GRIA2: variants seen among roughly 807,000 people sequenced by gnomAD.
The protein encoded by GRIA2 is glutamate ionotropic receptor AMPA type subunit 2.
In GRIA2, 14 loss-of-function variants were observed where a neutral mutation model predicts 97.3. That is an observed-to-expected ratio of 0.14 (90% CI 0.10 to 0.23). The LOEUF (loss-of-function observed/expected upper bound fraction) is 0.23. Among genes scored for constraint, GRIA2 ranks in the 10% least tolerant of loss-of-function variants. The pLI is 1.00. For synonymous variants in GRIA2, 412 were observed against 387.8 expected (o/e 1.06, Z -0.73); for missense variants, 558 against 1,069.8 (o/e 0.52, Z 6.67).
intron 2 of GRIA2, among the ~76,000 whole-genome samples, chr4:157,259,039 T>A (rs574809574): frequency 2.0e-4 from 30 of 152,054 alleles, no homozygotes; most frequent in African/African-American, 7.0e-4. Flanking sequence ...CTGGGTAATA[T>A]GGCAAGAAAC....
At chr4:157,349,008 A>C (rs905208233) in intron 12 of GRIA2, among the ~76,000 whole-genome samples, 1 of 152,234 alleles carries the variant, frequency 6.6e-6, no homozygotes, top group Non-Finnish European at 1.5e-5. Context: ...CATTCCTGAC[A>C]TAGCAAAAAG....
At chr4:157,272,996 A>G (rs1732102910) in intron 2 of GRIA2, among the ~76,000 whole-genome samples, 1 of 152,220 alleles carries the variant, frequency 6.6e-6, no homozygotes, top group East Asian at 1.9e-4. Context: ...AGGGTTCCAC[A>G]TCCATGGATT....
At chr4:157,345,709 C>T (rs1305867274) in intron 12 of GRIA2, among the ~76,000 whole-genome samples, 1 of 152,116 alleles carries the variant, frequency 6.6e-6, no homozygotes, top group Non-Finnish European at 1.5e-5. Context: ...TAGGAAGTAA[C>T]TCTTCATGCC....
intron 2 of GRIA2, among the ~76,000 whole-genome samples, chr4:157,282,848 G>A (rs1732669395): frequency 6.6e-6 from 1 of 151,994 alleles, no homozygotes. Context: ...ATATGTATGA[G>A]CCGACATCCA....
chr4:157,292,146 C>A (rs1307001601), intron 2 of GRIA2, among the ~76,000 whole-genome samples: 1 of 151,716 alleles, frequency 6.6e-6, no homozygotes, highest in African/African-American at 2.4e-5. Flanking sequence ...AAATGCAAAA[C>A]AATAGGTACA....
intron 2 of GRIA2, among the ~76,000 whole-genome samples, chr4:157,239,627 C>T (rs1021460450): frequency 1.3e-5 from 2 of 151,752 alleles, no homozygotes; most frequent in South Asian, 4.2e-4. Context: ...GAATTGATGA[C>T]ATTCGTGAGT....
At chr4:157,297,515 G>T (rs1733402921) in intron 2 of GRIA2, among the ~76,000 whole-genome samples, 1 of 152,104 alleles carries the variant, frequency 6.6e-6, no homozygotes, top group Non-Finnish European at 1.5e-5. Context: ...AGGCAGGTAG[G>T]TAATATTTTT....
chr4:157,317,135 T>C (rs988070527), intron 4 of GRIA2, among the ~76,000 whole-genome samples: 10 of 152,234 alleles, frequency 6.6e-5, no homozygotes, highest in Non-Finnish European at 1.5e-4. Context: ...AATGTTATTT[T>C]ACATATCCAT....
intron 12 of GRIA2, among the ~76,000 whole-genome samples, chr4:157,345,938 G>T (rs1735746169): frequency 6.6e-6 from 1 of 152,108 alleles, no homozygotes; most frequent in South Asian, 2.1e-4. Context: ...TAAACCATGA[G>T]ACTCTACTAT....
At chr4:157,277,910 GTA>G (rs1305455570) in intron 2 of GRIA2, among the ~76,000 whole-genome samples, 26 of 139,684 alleles carry the variant, frequency 1.9e-4, no homozygotes, top group South Asian at 4.4e-4. Flanking sequence ...ATGTATATAT[GTA>G]TATATATGTA....
Position 157,227,980 on chromosome 4 carries a change from A to G in GRIA2, c.229+6173A>G, listed in dbSNP as rs371680320. Reference sequence around the variant, plus strand: ...TGATTCTTACAATGCTGTTCATAAGATGTCTAACACCTATTATTTTTCAGT... The same window carrying G: ...TGATTCTTACAATGCTGTTCATAAGGTGTCTAACACCTATTATTTTTCAGT... On this transcript the variant is annotated intron_variant, in intron 2 of 15. Transcript: ENST00000264426. 9.2e-5 allele frequency among the ~76,000 whole-genome samples: 14 copies of G among 152,356 alleles called. No individual in the cohort carries two copies. The East Asian group carries it at 2.5e-3, about 27-fold the overall frequency.
In GRIA2 at chr4:157,248,028, G is replaced by A. The variant is rs936143768; in HGVS notation, c.229+26221G>A. ...CTAGGTTGTAGAGTTCTCCCTTAAC[G>A]TTTTGTACTCTGGGGATAACTCTTT... is the stretch of plus-strand genomic sequence containing the variant. On this transcript the variant is annotated intron_variant, in intron 2 of 15. Transcript: ENST00000264426. Among the ~76,000 whole-genome samples the A allele has an allele frequency of 4.6e-5, 7 of 151,606 alleles. 1 individual carries two copies. The South Asian group carries it at 6.3e-4, about 14-fold the overall frequency.
At chr4:157,285,721 T>A (rs1732811117) in intron 2 of GRIA2, among the ~76,000 whole-genome samples, 1 of 151,596 alleles carries the variant, frequency 6.6e-6, no homozygotes, top group Admixed American at 6.6e-5. Context: ...CTCTGTGTAC[T>A]GTACTGGTGT....
At chr4:157,288,740 A>G (rs761043267) in intron 2 of GRIA2, among the ~76,000 whole-genome samples, 29 of 151,814 alleles carry the variant, frequency 1.9e-4, no homozygotes, top group Non-Finnish European at 1.5e-4. Context: ...GGTTATGTCT[A>G]CCAATGATAA....
chr4:157,305,411 G>A (rs1733799455), intron 3 of GRIA2, among the ~76,000 whole-genome samples: 1 of 152,008 alleles, frequency 6.6e-6, no homozygotes, highest in African/African-American at 2.4e-5. Context: ...GAAGTAGCAG[G>A]AATTACTGTT....
chr4:157,221,908 G>A lies in GRIA2; in HGVS notation c.229+101G>A, dbSNP rs1729514737. On this transcript the variant is annotated intron_variant, in intron 2 of 15. Transcript: ENST00000264426. ...TGGGGTGGTGTGTGTGCGTTTCTGT[G>A]TGTCAGTGTGTGGGTGTGAGTGACT... 2.7e-5 allele frequency: 28 copies of A among 1,052,568 alleles called. 1 individual carries two copies. The South Asian group carries it at 3.9e-4, about 15-fold the overall frequency. 65.2% of individuals were successfully genotyped at this position (1,052,568 alleles called of 1,614,324 possible). A position where few individuals can be genotyped will look rare whatever the true frequency, so the allele number is the denominator to read the frequency against.
intron 5 of GRIA2, among the ~76,000 whole-genome samples, chr4:157,319,539 C>T (rs759475097): frequency 1.2e-4 from 18 of 152,068 alleles, no homozygotes; most frequent in Non-Finnish European, 2.1e-4. Context: ...CCATATGGAA[C>T]TTCTAGTGAA....
At chr4:157,268,273 T>A (rs1731860380) in intron 2 of GRIA2, among the ~76,000 whole-genome samples, 1 of 152,044 alleles carries the variant, frequency 6.6e-6, no homozygotes, top group South Asian at 2.1e-4. Context: ...GGAATCTTGG[T>A]GTTTCTAGTA....
chr4:157,331,670 C>A (rs1423676299), intron 6 of GRIA2, among the ~76,000 whole-genome samples: 1 of 151,926 alleles, frequency 6.6e-6, no homozygotes. Flanking sequence ...AGGTGAACAA[C>A]AGAGTATGGG....
Sources: allele counts gnomAD v4.1 joint callset (sites outside exome capture counted in the v4.1 genomes callset), GRCh38; gene constraint gnomAD v4.1.1; transcripts MANE v1.5; gene names NCBI Gene and HGNC (gene_info 2026-07-23, HGNC 2026-07-21).